ZNF644: variants seen among roughly 807,000 people sequenced by gnomAD.
ZNF644 encodes zinc finger protein 644.
In ZNF644, 20 loss-of-function variants were observed where a neutral mutation model predicts 108.0. That is an observed-to-expected ratio of 0.19 (90% CI 0.13 to 0.27). The LOEUF (loss-of-function observed/expected upper bound fraction) is 0.27, where lower values mean the gene tolerates loss of function less well. ZNF644 is among the 10% of genes least tolerant of loss of function. The pLI, the probability that ZNF644 is intolerant of heterozygous loss-of-function variation, is 1.00. For synonymous variants in ZNF644, 542 were observed against 539.1 expected, an observed-to-expected ratio of 1.01 and a Z score of -0.08; for missense variants, 1,338 against 1,548.9, an observed-to-expected ratio of 0.86 and a Z score of 2.29.
In ZNF644 at chr1:90,937,787, C is replaced by A. The variant is rs750207131; in HGVS notation, c.3386G>T (p.Arg1129Leu). ...CAGAGCTTCAGTCTTTAGGCCATTA[C>A]GGTATGCTTCAAGAGGTATAACATT... is the stretch of plus-strand genomic sequence containing the variant. ...SQNVIPLEAY[R>L]NGLKTEALSV... The change falls in exon 4 of 6, where the codon CGT becomes CTT. Residue 1129 changes from arginine to leucine, a missense_variant. By Grantham distance (102) the Arg-to-Leu change is moderately radical. Around this residue, in one of 6 missense-constraint regions of ZNF644, gnomAD observed 287 missense variants for 310.9 expected, o/e 0.92. Transcript: ENST00000337393. 1 of 1,613,826 alleles carries A rather than the reference C, an allele frequency of 6.2e-7. No homozygotes were observed. The highest frequency in any genetic ancestry group is 1.3e-5 in the African/African-American group (1 of 75,044).
intron 1 of ZNF644, among the ~76,000 whole-genome samples, chr1:90,998,201 G>T (rs962011775): frequency 1.3e-5 from 2 of 152,210 alleles, no homozygotes; most frequent in African/African-American, 4.8e-5. Flanking sequence ...GCGAGTAGTG[G>T]TTCTCCCAGG....
chr1:90,922,579 T>C (rs1649578430), intron 4 of ZNF644, among the ~76,000 whole-genome samples: 1 of 152,016 alleles, frequency 6.6e-6, no homozygotes, highest in Non-Finnish European at 1.5e-5. Context: ...AAAAATAAAC[T>C]CAACTCTTTT....
In ZNF644 at chr1:90,971,016, A is replaced by AC. The variant is rs1553155485; in HGVS notation, c.44+11293_44+11294insG. 9.8e-3 allele frequency among the ~76,000 whole-genome samples: 1,488 copies of AC among 151,300 alleles called. 38 individuals are homozygous for AC. Among genetic ancestry groups the AC allele is most frequent in the African/African-American group, 0.035 (1,419 of 41,046 alleles). On this transcript the variant is annotated intron_variant, in intron 2 of 5. Transcript: ENST00000337393. Reference sequence around the variant, plus strand: ...TCCATTTCAAAAAAAAAAAAAAAAAAAACACTATCACTTACATTCCACTGA... The same window carrying AC: ...TCCATTTCAAAAAAAAAAAAAAAAAACAACACTATCACTTACATTCCACTGA...
At chr1:90,926,049 C>G (rs190748079) in intron 4 of ZNF644, among the ~76,000 whole-genome samples, 1 of 152,018 alleles carries the variant, frequency 6.6e-6, no homozygotes, top group Non-Finnish European at 1.5e-5. Flanking sequence ...GAAACCAACC[C>G]TTTCAAAAGA....
chr1:90,985,526 T>A (rs1421430963), intron 1 of ZNF644, among the ~76,000 whole-genome samples: 1 of 152,174 alleles, frequency 6.6e-6, no homozygotes, highest in Non-Finnish European at 1.5e-5. Context: ...TCAACTTTTT[T>A]AGATTCTACA....
At chr1:90,949,812 C>A (rs1317566876) in intron 2 of ZNF644, among the ~76,000 whole-genome samples, 1 of 152,122 alleles carries the variant, frequency 6.6e-6, no homozygotes, top group Non-Finnish European at 1.5e-5. Flanking sequence ...GGTCATGGAA[C>A]TAATCCCACA....
intron 4 of ZNF644, among the ~76,000 whole-genome samples, chr1:90,933,462 G>T (rs1237998121): frequency 1.3e-5 from 2 of 152,054 alleles, no homozygotes; most frequent in South Asian, 2.1e-4. Context: ...AGGAGTTCGA[G>T]ACCAGCCTGT....
Position 90,999,461 on chromosome 1 carries a change from G to A in ZNF644, c.-17-17091C>T, listed in dbSNP as rs182546182. ...CAAACTAAGCTTCATAAGTGAAGGAGAAATAAAATCCTTTACAGAGAAGCA... is the reference window on the plus strand; with the variant it reads ...CAAACTAAGCTTCATAAGTGAAGGAAAAATAAAATCCTTTACAGAGAAGCA... On this transcript the variant is annotated intron_variant, in intron 1 of 5. Coordinates refer to ENST00000337393, the MANE Select transcript of ZNF644 (RefSeq NM_201269.3). 5.1e-3 allele frequency among the ~76,000 whole-genome samples: 777 copies of A among 152,276 alleles called. 3 individuals are homozygous for A. The highest frequency in any genetic ancestry group is 8.5e-3 in the Non-Finnish European group (577 of 68,026).
At chr1:90,931,885 A>G (rs1650765853) in intron 4 of ZNF644, among the ~76,000 whole-genome samples, 1 of 152,050 alleles carries the variant, frequency 6.6e-6, no homozygotes, top group Non-Finnish European at 1.5e-5. Context: ...TTATTCTGGC[A>G]TCTCTCCTTT....
chr1:90,919,527 C>G (rs1649188121), intron 4 of ZNF644, among the ~76,000 whole-genome samples: 2 of 152,068 alleles, frequency 1.3e-5, no homozygotes, highest in Admixed American at 1.3e-4. Flanking sequence ...TCATTGAAGC[C>G]ACTGGTTTCA....
chr1:91,001,558 G>A (rs1448725178), intron 1 of ZNF644, among the ~76,000 whole-genome samples: 1 of 152,174 alleles, frequency 6.6e-6, no homozygotes, highest in Non-Finnish European at 1.5e-5. Flanking sequence ...AGCTATTTAT[G>A]ACAAACCCAC....
chr1:90,976,685 A>G (rs1419042174), intron 2 of ZNF644, among the ~76,000 whole-genome samples: 1 of 152,208 alleles, frequency 6.6e-6, no homozygotes, highest in Non-Finnish European at 1.5e-5. Context: ...AGAACAATGT[A>G]GCCTCCCTTT....
intron 4 of ZNF644, among the ~76,000 whole-genome samples, chr1:90,927,028 T>C (rs1203975070): frequency 6.6e-6 from 1 of 152,140 alleles, no homozygotes; most frequent in Non-Finnish European, 1.5e-5. Context: ...TCCTATAAAC[T>C]TCCCACATTG....
At chr1:90,937,392 G>T in intron 4 of ZNF644, 93 bp downstream of exon 4, 1 of 1,528,084 alleles carries the variant, frequency 6.5e-7, no homozygotes, top group Non-Finnish European at 9.0e-7. Flanking sequence ...CAGGAAGATT[G>T]TGAGAAAGTA....
chr1:90,988,396 T>C (rs1243198228), intron 1 of ZNF644, among the ~76,000 whole-genome samples: 2 of 152,112 alleles, frequency 1.3e-5, no homozygotes, highest in Non-Finnish European at 2.9e-5. Flanking sequence ...CCATAAAATA[T>C]ACCAATAAAT....
rs750950704 is a variant in ZNF644 at position 90,941,147 on chromosome 1, A to G, written c.207T>C (p.Asn69=). Residue 69 remains asparagine (N), a synonymous_variant, in exon 3 of 6, where the codon AAT becomes AAC. Coordinates refer to ENST00000337393, the MANE Select transcript of ZNF644 (RefSeq NM_201269.3). ...PKDCQTSFQK[N]NTLTLPEELS... is the part of the protein sequence containing the mutation. ...GTTCTTCAGGCAGAGTCAACGTATT[A>G]TTTTTCTGAAATGATGTTTGACAAT... 6.2e-7 allele frequency: 1 copy of G among 1,613,220 alleles called. No homozygotes were observed.
At chr1:91,013,565 T>A (rs1660170800) in intron 1 of ZNF644, among the ~76,000 whole-genome samples, 1 of 152,056 alleles carries the variant, frequency 6.6e-6, no homozygotes, top group Admixed American at 6.6e-5. Flanking sequence ...GGTATCAAAC[T>A]GTATTTGCTG....
intron 4 of ZNF644, among the ~76,000 whole-genome samples, chr1:90,923,457 ATAC>A (rs781181331): frequency 4.6e-4 from 70 of 152,308 alleles, no homozygotes; most frequent in Non-Finnish European, 7.9e-4. Context: ...GCTCCTAGCT[ATAC>A]CACTTCATTA....
At chr1:90,942,209 A>C (rs1016172617) in intron 2 of ZNF644, among the ~76,000 whole-genome samples, 3 of 152,216 alleles carry the variant, frequency 2.0e-5, no homozygotes, top group African/African-American at 7.2e-5. Flanking sequence ...ATAGAATAGC[A>C]TAAACATATG....
Sources: gnomAD v4.1 joint callset for allele counts (sites outside exome capture counted in the v4.1 genomes callset) on GRCh38, gnomAD v4.1.1 for gene constraint, gnomAD v4.1.1 regional missense constraint, MANE v1.5 for transcripts, NCBI Gene and HGNC (gene_info 2026-07-23, HGNC 2026-07-21) for gene names.